GSDMC: variants seen among roughly 807,000 people sequenced by gnomAD.
GSDMC encodes gasdermin C, also known as gasdermin-C.
A neutral mutation model predicts 58.0 loss-of-function variants in GSDMC; 59 were observed. The ratio of observed to expected loss-of-function variants is 1.02; its 90% CI spans 0.82 to 1.26. GSDMC has a LOEUF of 1.26. Ranked by LOEUF, GSDMC falls within the 50% of genes most tolerant of loss-of-function variation. The pLI is 0.00. For missense variants in GSDMC, 659 were observed against 598.5 expected, an observed-to-expected ratio of 1.10 and a Z score of -1.06; for synonymous variants, 241 against 220.2, an observed-to-expected ratio of 1.09 and a Z score of -0.83.
chr8:129,749,404 G>A (rs1413376625), intron 13 of GSDMC, 48 bp downstream of exon 13: 1 of 1,274,398 alleles, frequency 7.8e-7, no homozygotes, highest in Non-Finnish European at 1.1e-6. Flanking sequence ...CTTACCTCTG[G>A]TTCCCTCACC....
intron 6 of GSDMC, among the ~76,000 whole-genome samples, chr8:129,759,357 A>T (rs1223049037): frequency 6.6e-6 from 1 of 152,160 alleles, no homozygotes; most frequent in African/African-American, 2.4e-5. Context: ...GCAAAAATAG[A>T]CAAATGGGAT....
the GSDMC span, chr8:129,706,549 A>T: frequency 6.6e-6 from 1 of 152,174 alleles, no homozygotes; most frequent in South Asian, 2.1e-4. Context: ...TGGCCCAGAT[A>T]CTTGCCATTT....
At chr8:129,746,922 G>T (rs2032974314), downstream of GSDMC, among the ~76,000 whole-genome samples, 1 of 152,092 alleles carries the variant, frequency 6.6e-6, no homozygotes. Context: ...GCCATTCAAG[G>T]AATAAAACAA....
chr8:129,785,434 A>C (rs557128100), intron 1 of GSDMC, among the ~76,000 whole-genome samples: 99 of 152,094 alleles, frequency 6.5e-4, no homozygotes, highest in Non-Finnish European at 9.3e-4. Context: ...GTAAATGAGC[A>C]CAAAAAAAAT....
chr8:129,785,907 G>T (rs1353043948), intron 1 of GSDMC, 104 bp downstream of exon 1: 1 of 151,952 alleles, frequency 6.6e-6, no homozygotes, highest in Non-Finnish European at 1.5e-5. Flanking sequence ...AAATTCTGTA[G>T]GAAAAAAAAC....
chr8:129,765,185 A>G (rs2033812132), intron 4 of GSDMC, among the ~76,000 whole-genome samples: 1 of 152,192 alleles, frequency 6.6e-6, no homozygotes, highest in African/African-American at 2.4e-5. Flanking sequence ...GTGCTTGAAG[A>G]TACTCTGATC....
the GSDMC span, among the ~76,000 whole-genome samples, chr8:129,709,505 GAC>G: frequency 1.5e-5 from 1 of 65,218 alleles, no homozygotes; most frequent in African/African-American, 4.1e-4. Context: ...ATGATAGATA[GAC>G]AGATGATAGA....
intron 3 of GSDMC, among the ~76,000 whole-genome samples, chr8:129,773,729 T>C (rs1173618888): frequency 1.4e-5 from 2 of 145,182 alleles, no homozygotes; most frequent in Non-Finnish European, 3.0e-5. Context: ...GAGGTTGCAG[T>C]GAGCCGAGAT....
intron 6 of GSDMC, among the ~76,000 whole-genome samples, chr8:129,759,059 T>C (rs927106011): frequency 1.3e-5 from 2 of 152,052 alleles, no homozygotes; most frequent in African/African-American, 4.8e-5. Context: ...AACAAATCTA[T>C]GTACCTACAG....
At position 129,752,695 on chromosome 8, in the gene GSDMC, T is replaced by A. The variant is rs895547866; in HGVS notation, c.844+3A>T. 20 of 1,614,030 alleles carry A rather than the reference T, an allele frequency of 1.2e-5. No individual in the cohort carries two copies. Among genetic ancestry groups the A allele is most frequent in the Non-Finnish European group, 1.7e-5 (20 of 1,180,000 alleles). ...GTAAAAATAAAGTGAGCAATCACAG[T>A]ACCTGGTTTTAACTTCATATCATTG... On this transcript the variant is annotated splice_donor_region_variant and intron_variant, in intron 7 of 13. Transcript: ENST00000276708.
chr8:129,779,860 A>T (rs555686579), intron 1 of GSDMC, among the ~76,000 whole-genome samples: 101 of 152,246 alleles, frequency 6.6e-4, no homozygotes, highest in Non-Finnish European at 1.1e-3. Context: ...TGTTTTGAGG[A>T]CACTCAAAGG....
the GSDMC span, among the ~76,000 whole-genome samples, chr8:129,711,969 T>C: frequency 1.3e-5 from 2 of 152,150 alleles, no homozygotes; most frequent in East Asian, 3.9e-4. Flanking sequence ...GAAATAATAA[T>C]AAAAGGGCCT....
the GSDMC span, among the ~76,000 whole-genome samples, chr8:129,732,355 C>T: frequency 6.7e-6 from 1 of 150,274 alleles, no homozygotes; most frequent in East Asian, 1.9e-4. Flanking sequence ...AAGACCCTAC[C>T]CAGCATTCTC....
chr8:129,752,000 T>A lies in GSDMC; in HGVS notation c.886+106A>T, dbSNP rs1364622158. 4.7e-5 allele frequency: 68 copies of A among 1,459,264 alleles called. 1 individual carries two copies. The South Asian group carries it at 6.6e-4, about 14-fold the overall frequency. The allele number at this position is 1,459,264 out of a possible 1,614,324, so 90.4% of individuals were successfully genotyped here. A position where few individuals can be genotyped will look rare whatever the true frequency, so the allele number is the denominator to read the frequency against. On this transcript the variant is annotated intron_variant, in intron 8 of 13. Transcript: ENST00000276708. ...TCTTCTCTATCTGTTCCTGCCCTTTTCCCCAGAGGCCAGACCCCAAGACTT... is the reference window on the plus strand; with the variant it reads ...TCTTCTCTATCTGTTCCTGCCCTTTACCCCAGAGGCCAGACCCCAAGACTT...
At chr8:129,755,381 C>T (rs2033387069) in intron 6 of GSDMC, among the ~76,000 whole-genome samples, 1 of 152,014 alleles carries the variant, frequency 6.6e-6, no homozygotes, top group African/African-American at 2.4e-5. Flanking sequence ...AAATATCCTC[C>T]AAGGATGAAG....
Position 129,749,546 on chromosome 8 carries a change from G to A in GSDMC, c.1214-21C>T, listed in dbSNP as rs761858051. On this transcript the variant is annotated intron_variant, in intron 12 of 13. Transcript: ENST00000276708. ...CAGCACTGAGGGTGGGGGACATGTG[G>A]GGAAAGACAGTAGTGAAGAATCCAG... 5.7e-6 allele frequency: 9 copies of A among 1,590,172 alleles called. No individual in the cohort carries two copies. In the East Asian group the frequency reaches 1.6e-4, roughly 28 times the overall value.
intron 13 of GSDMC, 92 bp downstream of exon 13, chr8:129,749,360 C>A: frequency 2.1e-6 from 2 of 943,260 alleles, no homozygotes; most frequent in Non-Finnish European, 3.4e-6. Flanking sequence ...CCAGCAAAAA[C>A]CTGTATCATC....
At chr8:129,773,100 TAGA>T (rs2034113624) in intron 3 of GSDMC, among the ~76,000 whole-genome samples, 2 of 152,174 alleles carry the variant, frequency 1.3e-5, no homozygotes, top group Non-Finnish European at 2.9e-5. Context: ...AAATTAGATA[TAGA>T]AGAAATGTAC....
Position 129,776,100 on chromosome 8 carries a change from A to C in GSDMC, c.404+2T>G. On this transcript the variant is annotated splice_donor_variant, in intron 3 of 13. Transcript: ENST00000276708. LOFTEE classifies it high-confidence loss of function. ...CATCCCCTTCCTCTCCCATGGCCTC[A>C]CCTTTTTTGAAAGTCTTCCAGGTTT... is the stretch of plus-strand genomic sequence containing the variant. 1 of 1,611,468 alleles carries C rather than the reference A, an allele frequency of 6.2e-7. No individual in the cohort carries two copies. The highest frequency in any genetic ancestry group is 8.5e-7 in the Non-Finnish European group (1 of 1,178,440).
Sources: gnomAD v4.1 joint callset for allele counts (sites outside exome capture counted in the v4.1 genomes callset) on GRCh38, gnomAD v4.1.1 for gene constraint, MANE v1.5 for transcripts, NCBI Gene and HGNC (gene_info 2026-07-23, HGNC 2026-07-21) for gene names.